Variants in IGF2BP2 observed in about 807,000 individuals in gnomAD.
IGF2BP2 encodes insulin like growth factor 2 mRNA binding protein 2, also known as insulin-like growth factor 2 mRNA-binding protein 2.
IGF2BP2 carries 17 observed loss-of-function variants against 75.8 expected under a neutral mutation model. That is an observed-to-expected ratio of 0.22 (90% confidence interval 0.15 to 0.34). The LOEUF (loss-of-function observed/expected upper bound fraction) is 0.34. Among genes scored for constraint, IGF2BP2 ranks in the 10% least tolerant of loss-of-function variants. The pLI, the probability that IGF2BP2 is intolerant of heterozygous loss-of-function variation, is 1.00. For synonymous variants in IGF2BP2, 288 were observed against 295.6 expected, an observed-to-expected ratio of 0.97 and a Z score of 0.26; for missense variants, 516 against 772.4, an observed-to-expected ratio of 0.67 and a Z score of 3.93.
intron 9 of IGF2BP2, among the ~76,000 whole-genome samples, chr3:185,672,941 T>A (rs1169103236): frequency 6.6e-6 from 1 of 152,178 alleles, no homozygotes; most frequent in African/African-American, 2.4e-5. Flanking sequence ...CCAGCCTCAC[T>A]CCTGCTAACC....
chr3:185,649,325 G>A, intron 14 of IGF2BP2, 78 bp downstream of exon 14: 2 of 1,564,086 alleles, frequency 1.3e-6, no homozygotes, highest in East Asian at 2.2e-5. Flanking sequence ...AGGCGCCAAG[G>A]GGAGACTGAG....
intron 2 of IGF2BP2, among the ~76,000 whole-genome samples, chr3:185,783,259 C>T (rs1362081187): frequency 1.3e-5 from 2 of 152,170 alleles, no homozygotes; most frequent in African/African-American, 2.4e-5. Context: ...TGGACTCTTA[C>T]TGAAAATAGA....
intron 2 of IGF2BP2, chr3:185,712,479 G>C (rs941257427): frequency 1.3e-5 from 2 of 152,126 alleles, no homozygotes; most frequent in African/African-American, 4.8e-5. Flanking sequence ...CAACACAATA[G>C]AGAAGCAGAG....
At chr3:185,696,710 G>A (rs1722624386) in intron 3 of IGF2BP2, 47 bp from the exon 4 acceptor site, 1 of 1,511,046 alleles carries the variant, frequency 6.6e-7, no homozygotes, top group Admixed American at 1.7e-5. Context: ...AAGATCATAT[G>A]TACAAAAAAT....
chr3:185,698,487 G>C, intron 2 of IGF2BP2, 140 bp from the exon 3 acceptor site: 1 of 720,382 alleles, frequency 1.4e-6, no homozygotes, highest in Non-Finnish European at 2.4e-6. Context: ...TTCCTACTGT[G>C]AATCATGAGC....
At chr3:185,677,916 G>T (rs961890396) in intron 7 of IGF2BP2, among the ~76,000 whole-genome samples, 1 of 152,024 alleles carries the variant, frequency 6.6e-6, no homozygotes, top group African/African-American at 2.4e-5. Flanking sequence ...CAAGTTAGAG[G>T]ATTAAAATAA....
At chr3:185,763,720 C>T (rs1732678127) in intron 2 of IGF2BP2, among the ~76,000 whole-genome samples, 2 of 152,214 alleles carry the variant, frequency 1.3e-5, no homozygotes, top group Non-Finnish European at 2.9e-5. Context: ...AGACTACTCT[C>T]AGCTGCAGAA....
chr3:185,789,608 T>G (rs979188148), intron 2 of IGF2BP2, among the ~76,000 whole-genome samples: 1 of 151,736 alleles, frequency 6.6e-6, no homozygotes, highest in South Asian at 2.1e-4. Flanking sequence ...TCCCTGGTTA[T>G]GAATGTCCTT....
intron 2 of IGF2BP2, among the ~76,000 whole-genome samples, chr3:185,750,386 G>GA (rs1437178122): frequency 6.6e-6 from 1 of 152,078 alleles, no homozygotes; most frequent in African/African-American, 2.4e-5. Context: ...CCAAAGAAAG[G>GA]AGAGAAACTC....
chr3:185,799,138 G>A (rs1282245410), intron 2 of IGF2BP2, among the ~76,000 whole-genome samples: 1 of 151,766 alleles, frequency 6.6e-6, no homozygotes, highest in Non-Finnish European at 1.5e-5. Context: ...AGTGGCTCAC[G>A]CCTGTAATCT....
chr3:185,663,457 TG>T (rs1329724704), intron 10 of IGF2BP2, among the ~76,000 whole-genome samples: 1 of 152,232 alleles, frequency 6.6e-6, no homozygotes, highest in East Asian at 1.9e-4. Context: ...TTGACTCTTC[TG>T]GGGGGTAGGT....
At chr3:185,743,063 C>A (rs532174150) in intron 2 of IGF2BP2, among the ~76,000 whole-genome samples, 4 of 152,130 alleles carry the variant, frequency 2.6e-5, no homozygotes, top group East Asian at 3.9e-4. Context: ...CGTGCCACTG[C>A]ACTCCAGCCT....
intron 12 of IGF2BP2, among the ~76,000 whole-genome samples, chr3:185,654,931 C>T (rs901636389): frequency 6.6e-6 from 1 of 152,226 alleles, no homozygotes; most frequent in Non-Finnish European, 1.5e-5. Flanking sequence ...GGGCGCTCTC[C>T]TCCCATGGAT....
At chr3:185,652,661 A>G (rs1423054355) in intron 12 of IGF2BP2, among the ~76,000 whole-genome samples, 1 of 152,154 alleles carries the variant, frequency 6.6e-6, no homozygotes, top group Admixed American at 6.5e-5. Context: ...ATTGAGTTAG[A>G]GTATGTGTGG....
chr3:185,693,532 T>A (rs759453815), intron 4 of IGF2BP2, among the ~76,000 whole-genome samples: 16 of 152,238 alleles, frequency 1.1e-4, no homozygotes, highest in Admixed American at 3.9e-4. Flanking sequence ...TCTAATTACT[T>A]GGCTAAAAGA....
intron 9 of IGF2BP2, 133 bp from the exon 10 acceptor site, chr3:185,672,802 G>A (rs1169315997): frequency 1.1e-5 from 10 of 929,276 alleles, no homozygotes; most frequent in Non-Finnish European, 1.6e-5. Context: ...TTCCTACCCT[G>A]TATCAGAGGT....
chr3:185,824,014 G>T (rs956347771), intron 1 of IGF2BP2, among the ~76,000 whole-genome samples: 16 of 152,190 alleles, frequency 1.1e-4, no homozygotes, highest in Admixed American at 1.0e-3. Context: ...CGAGCGGGAG[G>T]CGGGGGGACG....
At chr3:185,687,930 AT>A (rs931693892) in intron 6 of IGF2BP2, among the ~76,000 whole-genome samples, 13 of 150,440 alleles carry the variant, frequency 8.6e-5, no homozygotes, top group South Asian at 4.2e-4. Context: ...AACTTGTTAC[AT>A]TTTTTTTTCA....
chr3:185,823,074 G>GT, intron 2 of IGF2BP2, 79 bp downstream of exon 2: 1 of 882,470 alleles, frequency 1.1e-6, no homozygotes, highest in Non-Finnish European at 1.7e-6. Context: ...CCAAGAGCAC[G>GT]TTTTTTAAAG....
Sources: gnomAD v4.1 joint callset for allele counts (sites outside exome capture counted in the v4.1 genomes callset) on GRCh38, gnomAD v4.1.1 for gene constraint, MANE v1.5 for transcripts, NCBI Gene and HGNC (gene_info 2026-07-23, HGNC 2026-07-21) for gene names.